The following CDKAL1 variants were observed in gnomAD, a reference collection of about 807,000 sequenced individuals.
CDKAL1 encodes CDKAL1 threonylcarbamoyladenosine tRNA methylthiotransferase.
CDKAL1 carries 32 observed loss-of-function variants against 68.2 expected under a neutral mutation model. The observed-to-expected ratio is 0.47, with a 90% CI of 0.35 to 0.63. CDKAL1 has a LOEUF of 0.63. Ranked by LOEUF, CDKAL1 falls within the 30% of genes least tolerant of loss-of-function variation. The pLI is 0.00. For missense variants in CDKAL1, 606 were observed against 696.7 expected, an observed-to-expected ratio of 0.87 and a Z score of 1.47; for synonymous variants, 234 against 244.3, an observed-to-expected ratio of 0.96 and a Z score of 0.39.
At chr6:20,843,250 C>T (rs1778245793) in intron 8 of CDKAL1, among the ~76,000 whole-genome samples, 1 of 151,968 alleles carries the variant, frequency 6.6e-6, no homozygotes, top group South Asian at 2.1e-4. Flanking sequence ...AGACACCATT[C>T]TGAGTATTTT....
chr6:20,645,143 A>G (rs1428746677), intron 4 of CDKAL1, among the ~76,000 whole-genome samples: 3 of 152,158 alleles, frequency 2.0e-5, no homozygotes, highest in Non-Finnish European at 4.4e-5. Flanking sequence ...CAGGACTGGA[A>G]GTTGCTCTGG....
At chr6:20,873,891 T>A (rs1274883725) in intron 9 of CDKAL1, among the ~76,000 whole-genome samples, 1 of 152,060 alleles carries the variant, frequency 6.6e-6, no homozygotes, top group African/African-American at 2.4e-5. Context: ...GTGCATCGAG[T>A]TGCTAAGGGG....
chr6:21,016,864 C>A (rs917510949), intron 11 of CDKAL1, among the ~76,000 whole-genome samples: 3 of 152,202 alleles, frequency 2.0e-5, no homozygotes, highest in African/African-American at 7.2e-5. Context: ...GGGACATTCT[C>A]TTGAATTGTG....
intron 6 of CDKAL1, among the ~76,000 whole-genome samples, chr6:20,746,591 A>C (rs1269138629): frequency 6.6e-6 from 1 of 152,204 alleles, no homozygotes; most frequent in East Asian, 1.9e-4. Flanking sequence ...TTAATAGAGA[A>C]GTTAATATTG....
At chr6:20,860,488 A>C (rs9358374) in intron 9 of CDKAL1, among the ~76,000 whole-genome samples, 146,017 of 152,316 alleles carry the variant, frequency 0.96, 70,003 homozygotes, top group East Asian at 1. Flanking sequence ...TCATTGCATT[A>C]CTAGAGCTTG....
chr6:21,016,802 A>T (rs1222415590), intron 11 of CDKAL1, among the ~76,000 whole-genome samples: 1 of 152,154 alleles, frequency 6.6e-6, no homozygotes, highest in Non-Finnish European at 1.5e-5. Flanking sequence ...TAAATGACTC[A>T]TGTCTAACTT....
chr6:20,976,661 C>G (rs1765861118), intron 10 of CDKAL1, among the ~76,000 whole-genome samples: 1 of 152,130 alleles, frequency 6.6e-6, no homozygotes, highest in Admixed American at 6.6e-5. Context: ...CATGTTCCTT[C>G]CAGTTCACAC....
chr6:20,614,673 T>TACTTA (rs1766803131), intron 4 of CDKAL1, among the ~76,000 whole-genome samples: 1 of 152,238 alleles, frequency 6.6e-6, no homozygotes. Context: ...ACTTATGTTT[T>TACTTA]TGCTGAAGAA....
intron 5 of CDKAL1, among the ~76,000 whole-genome samples, chr6:20,655,704 G>A (rs1017227745): frequency 1.6e-4 from 25 of 152,134 alleles, no homozygotes; most frequent in African/African-American, 4.3e-4. Context: ...TCCCACCCCC[G>A]GTCTGTGGAA....
intron 13 of CDKAL1, among the ~76,000 whole-genome samples, chr6:21,164,653 A>C (rs1270059921): frequency 6.6e-6 from 1 of 152,108 alleles, no homozygotes; most frequent in Non-Finnish European, 1.5e-5. Context: ...ATAAACACAG[A>C]CTCAAAAATT....
intron 4 of CDKAL1, among the ~76,000 whole-genome samples, chr6:20,617,298 A>T (rs776103600): frequency 6.6e-6 from 1 of 152,162 alleles, no homozygotes; most frequent in Non-Finnish European, 1.5e-5. Flanking sequence ...GGGCCACTTA[A>T]TGAGCAGTCT....
At chr6:20,543,242 A>G (rs193227944) in intron 2 of CDKAL1, among the ~76,000 whole-genome samples, 5 of 152,324 alleles carry the variant, frequency 3.3e-5, no homozygotes, top group Admixed American at 3.3e-4. Context: ...AAAACACCAA[A>G]CTGTTTACTG....
chr6:20,577,026 A>G (rs886561092), intron 4 of CDKAL1, among the ~76,000 whole-genome samples: 1 of 152,064 alleles, frequency 6.6e-6, no homozygotes, highest in Non-Finnish European at 1.5e-5. Flanking sequence ...TTGGTAGGCT[A>G]TTTCCTTTTG....
chr6:20,557,061 AT>A lies in CDKAL1; in HGVS notation c.286+8357del, dbSNP rs1318334725. Among the ~76,000 whole-genome samples the A allele has an allele frequency of 1.5e-4, 20 of 136,198 alleles. 1 individual carries two copies. The South Asian group carries it at 1.9e-3, about 13-fold the overall frequency. The allele number at this position is 136,198 out of a possible 152,430, so 89.4% of individuals were successfully genotyped here. Reference sequence around the variant, plus strand: ...CATCTCAAAAAAAAAAAATAAATAAATAAATAAATAAATAAATAAATAAATG... The same window carrying A: ...CATCTCAAAAAAAAAAAATAAATAAAAAATAAATAAATAAATAAATAAATG... On this transcript the variant is annotated intron_variant, in intron 4 of 15. Transcript: ENST00000274695.
At position 21,116,031 on chromosome 6, in the gene CDKAL1, G is replaced by C. The variant is rs369428868; in HGVS notation, c.1299+7568G>C. ...GGCATTTTTCTCATTTTTAACCCTC[G>C]TCAGCTTGTGATTTGAGTAGCAGAT... On this transcript the variant is annotated intron_variant, in intron 13 of 15. Transcript: ENST00000274695. Among the ~76,000 whole-genome samples, 11 of 152,012 alleles carry C rather than the reference G, an allele frequency of 7.2e-5. No individual in the cohort carries two copies. The East Asian group carries it at 1.5e-3, about 21-fold the overall frequency.
At chr6:20,957,738 A>G (rs1012628177) in intron 10 of CDKAL1, among the ~76,000 whole-genome samples, 1 of 152,120 alleles carries the variant, frequency 6.6e-6, no homozygotes, top group Non-Finnish European at 1.5e-5. Context: ...TGGGAGGCCG[A>G]GGCAGGTGGA....
chr6:21,143,095 G>T (rs1487478979), intron 13 of CDKAL1, among the ~76,000 whole-genome samples: 4 of 152,214 alleles, frequency 2.6e-5, no homozygotes, highest in Non-Finnish European at 5.9e-5. Flanking sequence ...GGCTCAAAAT[G>T]TAGGGAACGT....
At chr6:20,936,025 T>C (rs1763688890) in intron 9 of CDKAL1, among the ~76,000 whole-genome samples, 1 of 152,188 alleles carries the variant, frequency 6.6e-6, no homozygotes, top group Non-Finnish European at 1.5e-5. Flanking sequence ...AGTGTAGATA[T>C]ATAATAATGA....
chr6:21,213,877 A>G (rs1779249902), intron 15 of CDKAL1, among the ~76,000 whole-genome samples: 1 of 152,188 alleles, frequency 6.6e-6, no homozygotes. Context: ...TTATATCCCA[A>G]TATTCATACC....
Sources: gnomAD v4.1 joint callset for allele counts (sites outside exome capture counted in the v4.1 genomes callset) on GRCh38, gnomAD v4.1.1 for gene constraint, MANE v1.5 for transcripts, NCBI Gene and HGNC (gene_info 2026-07-23, HGNC 2026-07-21) for gene names.